Variants in CLNK observed in about 807,000 individuals in gnomAD.
CLNK encodes the protein cytokine-dependent hematopoietic cell linker.
Under a neutral mutation model 68.6 loss-of-function variants are expected in CLNK, and 74 were observed. The ratio of observed to expected loss-of-function variants is 1.08; its 90% CI spans 0.89 to 1.31. The LOEUF (loss-of-function observed/expected upper bound fraction) is 1.31, where lower values mean the gene tolerates loss of function less well. CLNK is among the 50% of genes most tolerant of loss of function. CLNK has a pLI of 0.00. For missense variants in CLNK, 553 were observed against 515.3 expected, an observed-to-expected ratio of 1.07 and a Z score of -0.71; for synonymous variants, 198 against 172.2, an observed-to-expected ratio of 1.15 and a Z score of -1.17.
chr4:10,576,082 A>C (rs144414495), intron 4 of CLNK, among the ~76,000 whole-genome samples: 118 of 152,294 alleles, frequency 7.7e-4, no homozygotes, highest in African/African-American at 2.6e-3. Flanking sequence ...ACAATCAATC[A>C]ATAGTCAGTT....
chr4:10,665,825 C>A (rs2108891938), intron 2 of CLNK, among the ~76,000 whole-genome samples: 1 of 152,214 alleles, frequency 6.6e-6, no homozygotes, highest in Admixed American at 6.5e-5. Context: ...AGGCTGCTGC[C>A]CTGGACTGAA....
At chr4:10,718,470 G>GA in the CLNK span, among the ~76,000 whole-genome samples, 1 of 143,838 alleles carries the variant, frequency 7.0e-6, no homozygotes, top group African/African-American at 2.7e-5. Flanking sequence ...ATAGAGACCA[G>GA]AAAAAAAGTG....
At chr4:10,509,105 CAAA>C (rs35503820) in intron 16 of CLNK, among the ~76,000 whole-genome samples, 2 of 105,472 alleles carry the variant, frequency 1.9e-5, no homozygotes, top group African/African-American at 7.7e-5. Context: ...GACTCGGTCT[CAAA>C]AAAAAAAAAA....
chr4:10,611,311 C>T (rs572624686), intron 2 of CLNK, among the ~76,000 whole-genome samples: 5 of 151,050 alleles, frequency 3.3e-5, no homozygotes, highest in East Asian at 1.9e-4. Context: ...AGCAAGGCTC[C>T]GTCTCAAAAA....
the CLNK span, among the ~76,000 whole-genome samples, chr4:10,696,147 C>A: frequency 6.6e-6 from 1 of 152,186 alleles, no homozygotes; most frequent in Non-Finnish European, 1.5e-5. Context: ...TGAGCCACTG[C>A]ACCCAGCCCA....
intron 2 of CLNK, among the ~76,000 whole-genome samples, chr4:10,609,597 T>TGAG (rs1412175721): frequency 1.3e-5 from 2 of 152,208 alleles, no homozygotes; most frequent in Non-Finnish European, 2.9e-5. Context: ...TATTTGTGCA[T>TGAG]GAGAAGATCC....
intron 2 of CLNK, among the ~76,000 whole-genome samples, chr4:10,609,088 C>T (rs897058958): frequency 6.6e-6 from 1 of 152,180 alleles, no homozygotes; most frequent in Non-Finnish European, 1.5e-5. Context: ...GCCTGGGTCA[C>T]GTTAAACAAG....
At chr4:10,545,969 G>A (rs1364611507) in intron 8 of CLNK, among the ~76,000 whole-genome samples, 6 of 152,198 alleles carry the variant, frequency 3.9e-5, no homozygotes, top group Non-Finnish European at 8.8e-5. Context: ...GCTGTGGGCA[G>A]TGAGCTGGTA....
At chr4:10,607,290 C>T (rs1288095830) in intron 2 of CLNK, among the ~76,000 whole-genome samples, 2 of 152,220 alleles carry the variant, frequency 1.3e-5, no homozygotes, top group East Asian at 3.9e-4. Flanking sequence ...CCCACTGTGG[C>T]ATGCTCTCTT....
chr4:10,696,806 G>C, the CLNK span, among the ~76,000 whole-genome samples: 1 of 152,094 alleles, frequency 6.6e-6, no homozygotes, highest in Non-Finnish European at 1.5e-5. Flanking sequence ...TCTGTTTTCT[G>C]GGAAACCCAT....
intron 13 of CLNK, among the ~76,000 whole-genome samples, chr4:10,526,704 C>T (rs1329644668): frequency 6.6e-6 from 1 of 152,176 alleles, no homozygotes; most frequent in Non-Finnish European, 1.5e-5. Flanking sequence ...ACCAGGGATA[C>T]AGTTTCTCAA....
chr4:10,569,358 T>TTCTCCCTC (rs554754097), intron 5 of CLNK, among the ~76,000 whole-genome samples: 1,593 of 152,072 alleles, frequency 0.01, 36 homozygotes, highest in African/African-American at 0.037. Flanking sequence ...TTCTCTGGGT[T>TTCTCCCTC]TCTCCCTCTC....
chr4:10,699,466 G>GTCTCTCTCTC, the CLNK span, among the ~76,000 whole-genome samples: 1,689 of 59,988 alleles, frequency 0.028, 30 homozygotes, highest in Non-Finnish European at 0.034. Flanking sequence ...CATCCTCTCT[G>GTCTCTCTCTC]TCTCTCTCTC....
At chr4:10,599,928 G>C (rs1337546216) in intron 2 of CLNK, among the ~76,000 whole-genome samples, 1 of 152,176 alleles carries the variant, frequency 6.6e-6, no homozygotes, top group Non-Finnish European at 1.5e-5. Flanking sequence ...ACTGGATCAA[G>C]AAGAACCTTT....
At chr4:10,731,000 C>T in the CLNK span, among the ~76,000 whole-genome samples, 48 of 152,302 alleles carry the variant, frequency 3.2e-4, no homozygotes, top group African/African-American at 8.9e-4. Context: ...TTGTGATACA[C>T]GCATACAATG....
intron 12 of CLNK, among the ~76,000 whole-genome samples, chr4:10,528,650 C>T (rs1461833572): frequency 6.6e-6 from 1 of 152,040 alleles, no homozygotes; most frequent in Non-Finnish European, 1.5e-5. Flanking sequence ...ACCCATGTTA[C>T]ATTAAAAGTT....
chr4:10,626,506 T>C (rs1282098211), intron 2 of CLNK, among the ~76,000 whole-genome samples: 3 of 152,288 alleles, frequency 2.0e-5, no homozygotes, highest in Admixed American at 6.5e-5. Flanking sequence ...TGAAATTTAG[T>C]TTTTAAGTTT....
At chr4:10,614,697 G>A (rs1036247941) in intron 2 of CLNK, among the ~76,000 whole-genome samples, 2 of 152,238 alleles carry the variant, frequency 1.3e-5, no homozygotes, top group African/African-American at 4.8e-5. Context: ...GGAAGTTGAT[G>A]TGATCCCTCT....
intron 13 of CLNK, among the ~76,000 whole-genome samples, chr4:10,527,486 G>A (rs1332823370): frequency 1.3e-5 from 2 of 152,206 alleles, no homozygotes; most frequent in African/African-American, 4.8e-5. Context: ...GCTGTCTTTT[G>A]TGAACTCTTT....
Sources: gnomAD v4.1 joint callset for allele counts (sites outside exome capture counted in the v4.1 genomes callset) on GRCh38, gnomAD v4.1.1 for gene constraint, MANE v1.5 for transcripts, NCBI Gene and HGNC (gene_info 2026-07-23, HGNC 2026-07-21) for gene names.